The following EHD3 variants were observed in gnomAD, a reference collection of about 807,000 sequenced individuals.
EHD3 encodes the protein EH domain containing 3, also known as EH domain-containing protein 3.
A neutral mutation model predicts 43.0 loss-of-function variants in EHD3; 17 were observed. The ratio of observed to expected loss-of-function variants is 0.40; its 90% confidence interval spans 0.27 to 0.59. The LOEUF is 0.59. Ranked by LOEUF, EHD3 falls within the 20% of genes least tolerant of loss-of-function variation. The probability of loss-of-function intolerance (pLI) is 0.49; values close to 1 mark genes in which losing one functional copy is unlikely to be tolerated. For missense variants in EHD3, 594 were observed against 705.6 expected (o/e 0.84, Z 1.79); for synonymous variants, 313 against 289.5 (o/e 1.08, Z -0.82).
At chr2:31,255,390 C>T (rs901421639) in intron 3 of EHD3, among the ~76,000 whole-genome samples, 12 of 152,212 alleles carry the variant, frequency 7.9e-5, no homozygotes, top group Non-Finnish European at 1.2e-4. Context: ...GCAGTCTGTG[C>T]TGTCAGATCT....
In EHD3 at chr2:31,263,110, A is replaced by G. The variant is rs75879109; in HGVS notation, c.1080+1397A>G. Among the ~76,000 whole-genome samples, 170 of 152,336 alleles carry G rather than the reference A, an allele frequency of 1.1e-3. 1 individual carries two copies. Among genetic ancestry groups the G allele is most frequent in the African/African-American group, 4.0e-3 (167 of 41,584 alleles). On this transcript the variant is annotated intron_variant, in intron 5 of 5. Transcript: ENST00000322054. ...TATCCGGCAGAAGAAAAAGAAAAAA[A>G]TATACATTCCAAGTATTTGGAATTT...
At chr2:31,240,300 T>G (rs1683399141) in intron 1 of EHD3, among the ~76,000 whole-genome samples, 1 of 152,206 alleles carries the variant, frequency 6.6e-6, no homozygotes, top group Non-Finnish European at 1.5e-5. Flanking sequence ...TGAATTAACT[T>G]TTCTTTTTTC....
chr2:31,241,039 C>T (rs1683412693), intron 1 of EHD3, among the ~76,000 whole-genome samples: 1 of 152,174 alleles, frequency 6.6e-6, no homozygotes, highest in African/African-American at 2.4e-5. Flanking sequence ...TTTTAGAGCC[C>T]ATGGAGCCAG....
At chr2:31,238,785 A>G (rs916834180) in intron 1 of EHD3, among the ~76,000 whole-genome samples, 3 of 152,160 alleles carry the variant, frequency 2.0e-5, no homozygotes, top group African/African-American at 7.2e-5. Flanking sequence ...TGGCTGCTCC[A>G]GGGGCTGAGG....
intron 3 of EHD3, among the ~76,000 whole-genome samples, chr2:31,254,508 C>A (rs181570257): frequency 2.0e-5 from 3 of 152,374 alleles, no homozygotes; most frequent in African/African-American, 7.2e-5. Flanking sequence ...GCCGTTACTT[C>A]TGGGAAGCAT....
At chr2:31,243,452 CTTTCTTTCTTTT>C (rs1683459717) in intron 1 of EHD3, among the ~76,000 whole-genome samples, 1 of 34,820 alleles carries the variant, frequency 2.9e-5, no homozygotes, top group African/African-American at 9.4e-5. Flanking sequence ...TTCTTTCTTT[CTTTCTTTCTTTT>C]TTTTTTTTTG....
chr2:31,259,976 G>T (rs1260168385), intron 3 of EHD3, among the ~76,000 whole-genome samples: 1 of 152,170 alleles, frequency 6.6e-6, no homozygotes, highest in Non-Finnish European at 1.5e-5. Context: ...CAAGGCAGGC[G>T]CATCACCTGA....
At chr2:31,246,755 T>C (rs892051011) in intron 2 of EHD3, among the ~76,000 whole-genome samples, 4 of 152,120 alleles carry the variant, frequency 2.6e-5, no homozygotes, top group African/African-American at 9.7e-5. Context: ...GTGGTTTACT[T>C]TGAGTAAAGA....
At chr2:31,254,375 G>A (rs931500552) in intron 3 of EHD3, among the ~76,000 whole-genome samples, 9 of 152,122 alleles carry the variant, frequency 5.9e-5, no homozygotes, top group African/African-American at 2.2e-4. Context: ...AAGGCCTCTG[G>A]GTCTTCCCAG....
At chr2:31,244,843 T>C (rs1307019121) in intron 2 of EHD3, among the ~76,000 whole-genome samples, 1 of 152,192 alleles carries the variant, frequency 6.6e-6, no homozygotes, top group Non-Finnish European at 1.5e-5. Context: ...TTCACGGATA[T>C]TGTTTCTACC....
At chr2:31,254,034 G>T (rs1683690563) in intron 3 of EHD3, among the ~76,000 whole-genome samples, 1 of 152,156 alleles carries the variant, frequency 6.6e-6, no homozygotes, top group African/African-American at 2.4e-5. Flanking sequence ...GGGGCTTTGT[G>T]CTCACATCAC....
rs779511192 is a variant in EHD3 at position 31,260,961 on chromosome 2, G to A, written c.915+39G>A. ...CTGGGAGGTGGGCAGCTTGGGCAGG[G>A]GCCCAGAGTTTGGGGTCAGCTGCAC... On this transcript the variant is annotated intron_variant, in intron 4 of 5. Transcript: ENST00000322054. The surrounding 1 kb of genome is among the most constrained non-coding windows in gnomAD (Gnocchi z 4.6). 6.4e-7 allele frequency: 1 copy of A among 1,551,964 alleles called. No homozygotes were observed. The highest frequency in any genetic ancestry group is 8.7e-7 in the Non-Finnish European group (1 of 1,152,878).
At chr2:31,261,859 C>T in intron 5 of EHD3, 146 bp downstream of exon 5, 4 of 1,004,428 alleles carry the variant, frequency 4.0e-6, no homozygotes, top group Non-Finnish European at 1.4e-6. Flanking sequence ...TGGATCTACA[C>T]TCCTAGCTGG....
chr2:31,265,424 G>A (rs1683931739), intron 5 of EHD3, among the ~76,000 whole-genome samples: 1 of 152,168 alleles, frequency 6.6e-6, no homozygotes, highest in Non-Finnish European at 1.5e-5. Flanking sequence ...CAGGCAACAG[G>A]AATTTCCCAG....
chr2:31,265,144 C>G (rs1265652018), intron 5 of EHD3, among the ~76,000 whole-genome samples: 1 of 152,174 alleles, frequency 6.6e-6, no homozygotes, highest in Non-Finnish European at 1.5e-5. Flanking sequence ...TCTGGAATTC[C>G]TCCTGAAGGG....
chr2:31,261,246 C>T lies in EHD3; in HGVS notation c.916-303C>T, dbSNP rs561161729. On this transcript the variant is annotated intron_variant, in intron 4 of 5. Coordinates refer to ENST00000322054, the MANE Select transcript of EHD3 (RefSeq NM_014600.3). Reference sequence around the variant, plus strand: ...TCAAAGCCCTCATCACAGTGTCTGGCACCTTCAGAGATGCTCAGCAACTGT... The same window carrying T: ...TCAAAGCCCTCATCACAGTGTCTGGTACCTTCAGAGATGCTCAGCAACTGT... 5.9e-5 allele frequency among the ~76,000 whole-genome samples: 9 copies of T among 152,286 alleles called. No individual in the cohort carries two copies. The South Asian group carries it at 1.9e-3, about 32-fold the overall frequency.
Position 31,243,443 on chromosome 2 carries a change from TC to T in EHD3, c.228-830del, listed in dbSNP as rs1558647317. Among the ~76,000 whole-genome samples the T allele has an allele frequency of 2.4e-3, 226 of 95,660 alleles. 3 individuals are homozygous for T. Among genetic ancestry groups the T allele is most frequent in the African/African-American group, 9.2e-3 (196 of 21,308 alleles). The allele number at this position is 95,660 out of a possible 152,430, so 62.8% of individuals were successfully genotyped here. On this transcript the variant is annotated intron_variant, in intron 1 of 5. Coordinates refer to ENST00000322054, the MANE Select transcript of EHD3 (RefSeq NM_014600.3). ...ATTTTTCTTTCTTTCTTTCTTTCTT[TC>T]TTTCTTTCTTTCTTTCTTTTTTTTT...
At position 31,260,416 on chromosome 2, in the gene EHD3, A is replaced by G. The variant is rs550631881; in HGVS notation, c.503-94A>G. 1 of 1,308,238 alleles carries G rather than the reference A, an allele frequency of 7.6e-7. No individual in the cohort carries two copies. Among genetic ancestry groups the G allele is most frequent in the Non-Finnish European group, 1.0e-6 (1 of 960,852 alleles). 81.0% of individuals were successfully genotyped at this position (1,308,238 alleles called of 1,614,324 possible). A position where few individuals can be genotyped will look rare whatever the true frequency, so the allele number is the denominator to read the frequency against. On this transcript the variant is annotated intron_variant, in intron 3 of 5. Transcript: ENST00000322054. The surrounding 1 kb of genome is among the most constrained non-coding windows in gnomAD (Gnocchi z 4.6). ...GGATTTAAACTTAGATCTGACTCCC[A>G]AGACTGTGTTATTTCTACCACACCC...
Position 31,249,467 on chromosome 2 carries a change from G to C in EHD3, c.501G>C (p.Arg167=). 6.2e-7 allele frequency: 1 copy of C among 1,614,008 alleles called. No individual in the cohort carries two copies. ...CTGGGGAGAAGCAGAGGATCAGCCG[G>C]GGTAAGCAACCTGCCTGAGGGGTGT... ...ILSGEKQRIS[R]GYDFAAVLEW... The change falls in exon 3 of 6, where the codon CGG becomes CGC. Residue 167 remains arginine, a splice_region_variant and synonymous_variant. Coordinates refer to ENST00000322054, the MANE Select transcript of EHD3 (RefSeq NM_014600.3).
Sources: gnomAD v4.1 joint callset for allele counts (sites outside exome capture counted in the v4.1 genomes callset) on GRCh38, gnomAD v4.1.1 for gene constraint, Gnocchi (gnomAD v3.1) non-coding constraint, MANE v1.5 for transcripts, NCBI Gene and HGNC (gene_info 2026-07-23, HGNC 2026-07-21) for gene names.